TEX12: variants seen among roughly 807,000 people sequenced by gnomAD.
TEX12 encodes testis-expressed protein 12.
A neutral mutation model predicts 14.6 loss-of-function variants in TEX12; 7 were observed. The ratio of observed to expected loss-of-function variants is 0.48; its 90% CI spans 0.27 to 0.90. TEX12 has a LOEUF of 0.90. Among genes scored for constraint, TEX12 ranks in the 40% least tolerant of loss-of-function variants. The pLI, the probability that TEX12 is intolerant of heterozygous loss-of-function variation, is 0.12. For synonymous variants in TEX12, 57 were observed against 49.1 expected (o/e 1.16, Z -0.67); for missense variants, 121 against 135.7 (o/e 0.89, Z 0.54).
At chr11:112,171,299 G>C (rs1215372517) in intron 4 of TEX12, among the ~76,000 whole-genome samples, 1 of 152,010 alleles carries the variant, frequency 6.6e-6, no homozygotes, top group African/African-American at 2.4e-5. Flanking sequence ...TTTTATATAA[G>C]GGACTTGAAT....
chr11:112,168,786 A>G (rs1297352124), intron 1 of TEX12, among the ~76,000 whole-genome samples: 1 of 152,158 alleles, frequency 6.6e-6, no homozygotes, highest in Non-Finnish European at 1.5e-5. Flanking sequence ...TCCCGACCTC[A>G]GGTGATCTTC....
At chr11:112,168,131 T>G (rs1231988237) in intron 1 of TEX12, among the ~76,000 whole-genome samples, 2 of 152,236 alleles carry the variant, frequency 1.3e-5, no homozygotes, top group Non-Finnish European at 2.9e-5. Context: ...TTGTTGCTCT[T>G]TCTGTCTTCT....
At chr11:112,168,468 C>T (rs1469261031) in intron 1 of TEX12, among the ~76,000 whole-genome samples, 2 of 152,086 alleles carry the variant, frequency 1.3e-5, no homozygotes, top group Non-Finnish European at 2.9e-5. Context: ...GTCACTGTCC[C>T]TGTTTTCTCA....
At position 112,171,949 on chromosome 11, in the gene TEX12, C is replaced by G. The variant is rs368337947; in HGVS notation, c.*33C>G. ...ACTTGAAATAAGCTGAGAATTTAAA[C>G]CTATTATTGTTATAATGAAAGAATG... On this transcript the variant is annotated 3_prime_UTR_variant, in exon 5 of 5. Transcript: ENST00000280358. The G allele has an allele frequency of 3.4e-5, 47 of 1,369,960 alleles. No individual in the cohort carries two copies. Among genetic ancestry groups the G allele is most frequent in the Non-Finnish European group, 4.0e-5 (42 of 1,043,756 alleles). 84.9% of individuals were successfully genotyped at this position (1,369,960 alleles called of 1,614,324 possible).
At chr11:112,171,340 G>T (rs576270390) in intron 4 of TEX12, among the ~76,000 whole-genome samples, 171 of 151,980 alleles carry the variant, frequency 1.1e-3, no homozygotes, top group African/African-American at 4.0e-3. Flanking sequence ...TGGTATCTGT[G>T]GGGGATTCTG....
In TEX12 at chr11:112,171,403, A is replaced by G. The variant is rs968654772; in HGVS notation, c.228-369A>G. Among the ~76,000 whole-genome samples, 6 of 152,120 alleles carry G rather than the reference A, an allele frequency of 3.9e-5. No homozygotes were observed. In the East Asian group the frequency reaches 1.2e-3, roughly 29 times the overall value. ...ATGACTGTATTTATATTTTACCTAT[A>G]TCTATTTTAAGACCAAATTTAAATA... On this transcript the variant is annotated intron_variant, in intron 4 of 4. Coordinates refer to ENST00000280358, the MANE Select transcript of TEX12 (RefSeq NM_031275.4).
At chr11:112,171,732 A>G (rs1297223792) in intron 4 of TEX12, 40 bp from the exon 5 acceptor site, 5 of 1,252,156 alleles carry the variant, frequency 4.0e-6, no homozygotes, top group Non-Finnish European at 4.2e-6. Flanking sequence ...GATGTTGTTT[A>G]TATCTACTTA....
intron 4 of TEX12, 50 bp downstream of exon 4, chr11:112,170,724 G>GAA: frequency 6.8e-7 from 1 of 1,462,324 alleles, no homozygotes; most frequent in Non-Finnish European, 9.5e-7. Flanking sequence ...GTTTTCTTCT[G>GAA]GAAACTCTGT....
At chr11:112,167,752 C>T (rs764689981) in intron 1 of TEX12, among the ~76,000 whole-genome samples, 2 of 152,130 alleles carry the variant, frequency 1.3e-5, no homozygotes, top group African/African-American at 2.4e-5. Context: ...AAGACCAGCC[C>T]GTCCACCAGG....
intron 1 of TEX12, among the ~76,000 whole-genome samples, chr11:112,167,962 T>C (rs1377634256): frequency 6.6e-6 from 1 of 152,162 alleles, no homozygotes; most frequent in African/African-American, 2.4e-5. Context: ...CTGAAGTATT[T>C]TCCAACTCCC....
chr11:112,169,761 A>C (rs970794709), intron 2 of TEX12, among the ~76,000 whole-genome samples: 15 of 152,164 alleles, frequency 9.9e-5, no homozygotes, highest in African/African-American at 3.6e-4. Flanking sequence ...TATTTAGCAA[A>C]ATTTCACAAG....
Position 112,169,275 on chromosome 11 carries a change from G to A in TEX12, c.7G>A (p.Ala3Thr), listed in dbSNP as rs749140467. The A allele has an allele frequency of 6.2e-7, 1 of 1,613,738 alleles. No homozygotes were observed. Among genetic ancestry groups the A allele is most frequent in the Admixed American group, 1.7e-5 (1 of 60,012 alleles). Residue 3 changes from alanine to threonine, a missense_variant, in exon 2 of 5, where the codon GCA (alanine) becomes ACA (threonine). Coordinates refer to ENST00000280358, the MANE Select transcript of TEX12 (RefSeq NM_031275.4). The part of the protein sequence containing the change: MM[A>T]NHLVKPDNRN... ...TAGCTGGTGCCTTCGGAATATGATG[G>A]CAAATCACCTTGTAAAGCCTGATAA...
intron 1 of TEX12, among the ~76,000 whole-genome samples, 192 bp from the exon 2 acceptor site, chr11:112,169,061 A>G (rs970858509): frequency 6.6e-5 from 10 of 152,224 alleles, no homozygotes; most frequent in African/African-American, 2.4e-4. Context: ...TGCAGTAATC[A>G]AAGTTTTGAA....
chr11:112,169,188 A>G (rs1317676528), intron 1 of TEX12, 65 bp from the exon 2 acceptor site: 1 of 1,061,954 alleles, frequency 9.4e-7, no homozygotes, highest in African/African-American at 1.6e-5. Context: ...GAAACAGGGA[A>G]GGATTCCAGA....
At position 112,170,682 on chromosome 11, in the gene TEX12, C is replaced by G; in HGVS notation, c.227+8C>G. ...CTATGCAAAGCTTTTAAGGCAAGTA[C>G]TTATAGTATATTCTCTGGGGTCTTT... On this transcript the variant is annotated splice_region_variant and intron_variant, in intron 4 of 4. Coordinates refer to ENST00000280358, the MANE Select transcript of TEX12 (RefSeq NM_031275.4). 6.2e-7 allele frequency: 1 copy of G among 1,601,658 alleles called. No homozygotes were observed. Among genetic ancestry groups the G allele is most frequent in the South Asian group, 1.1e-5 (1 of 90,678 alleles).
chr11:112,170,825 A>T (rs1400998851), intron 4 of TEX12, 151 bp downstream of exon 4: 1 of 593,520 alleles, frequency 1.7e-6, no homozygotes, highest in East Asian at 2.8e-5. Context: ...ATAATAGATT[A>T]GTTGGTTATT....
At chr11:112,171,299 G>A (rs1215372517) in intron 4 of TEX12, among the ~76,000 whole-genome samples, 1 of 152,010 alleles carries the variant, frequency 6.6e-6, no homozygotes, top group African/African-American at 2.4e-5. Context: ...TTTTATATAA[G>A]GGACTTGAAT....
intron 2 of TEX12, 76 bp downstream of exon 2, chr11:112,169,407 G>T: frequency 2.6e-6 from 3 of 1,139,932 alleles, no homozygotes; most frequent in Non-Finnish European, 2.7e-6. Flanking sequence ...CTTTAAGAAA[G>T]CTCTATAGAT....
At position 112,172,424 on chromosome 11, in the gene TEX12, T is replaced by C. The variant is rs1157432617; in HGVS notation, c.*508T>C. ...ATTTTTCCAGTTTCTTAGAATATAA[T>C]GACATAACTGTGTGCTATTTCCATT... On this transcript the variant is annotated 3_prime_UTR_variant, in exon 5 of 5. Coordinates refer to ENST00000280358, the MANE Select transcript of TEX12 (RefSeq NM_031275.4). 1 of 152,120 alleles carries C rather than the reference T, an allele frequency of 6.6e-6. No individual in the cohort carries two copies. The highest frequency in any genetic ancestry group is 1.5e-5 in the Non-Finnish European group (1 of 67,948). The allele number at this position is 152,120 out of a possible 1,614,324, so 9.4% of individuals were successfully genotyped here.
Sources: gnomAD v4.1 joint callset for allele counts (sites outside exome capture counted in the v4.1 genomes callset) on GRCh38, gnomAD v4.1.1 for gene constraint, MANE v1.5 for transcripts, NCBI Gene and HGNC (gene_info 2026-07-23, HGNC 2026-07-21) for gene names.